Variants in DOK7 observed in about 807,000 individuals in gnomAD.
The protein encoded by DOK7 is protein Dok-7.
DOK7 carries 32 observed loss-of-function variants against 30.7 expected under a neutral mutation model. The ratio of observed to expected loss-of-function variants is 1.04; its 90% confidence interval spans 0.79 to 1.40. DOK7 has a LOEUF of 1.40. DOK7 is among the 40% of genes most tolerant of loss of function. DOK7 has a pLI of 0.00. For synonymous variants in DOK7, 447 were observed against 324.1 expected (o/e 1.38, Z -4.07); for missense variants, 1,007 against 699.2 (o/e 1.44, Z -4.97).
At chr4:3,492,475 G>A (rs1364298943) in intron 6 of DOK7, among the ~76,000 whole-genome samples, 2 of 152,070 alleles carry the variant, frequency 1.3e-5, no homozygotes, top group East Asian at 1.9e-4. Context: ...AAGGGGAGGA[G>A]GCGGGGACCA....
In DOK7 at chr4:3,493,612, A is replaced by T. The variant is rs1728698337; in HGVS notation, c.*111A>T. ...TGGTGCTCTGTGTTCTGTGGGAGGG[A>T]CCGGGGGTCTCCCGGAGAGGGGAGC... On this transcript the variant is annotated 3_prime_UTR_variant, in exon 7 of 7. Coordinates refer to ENST00000340083, the MANE Select transcript of DOK7 (RefSeq NM_173660.5). The T allele has an allele frequency of 1.3e-6, 2 of 1,510,004 alleles. No homozygotes were observed. The highest frequency in any genetic ancestry group is 5.0e-5 in the East Asian group (2 of 40,380). 93.5% of individuals were successfully genotyped at this position (1,510,004 alleles called of 1,614,324 possible). A position where few individuals can be genotyped will look rare whatever the true frequency, so the allele number is the denominator to read the frequency against.
At chr4:3,495,703 G>A (rs193073556), downstream of DOK7, among the ~76,000 whole-genome samples, 33 of 152,272 alleles carry the variant, frequency 2.2e-4, no homozygotes, top group Non-Finnish European at 3.4e-4. Flanking sequence ...TTTTCTTGAC[G>A]GCCCTGGAGC....
intron 2 of DOK7, among the ~76,000 whole-genome samples, chr4:3,470,535 G>A (rs1045894683): frequency 1.3e-5 from 2 of 152,134 alleles, no homozygotes; most frequent in South Asian, 2.1e-4. Flanking sequence ...TTCAGCATGC[G>A]CCCCACCACC....
chr4:3,465,970 T>A (rs1726239375), intron 2 of DOK7, among the ~76,000 whole-genome samples: 1 of 151,804 alleles, frequency 6.6e-6, no homozygotes, highest in African/African-American at 2.4e-5. Flanking sequence ...GTTCTTGACA[T>A]CCTGTGGAGA....
chr4:3,467,143 G>A (rs1182542161), intron 2 of DOK7, among the ~76,000 whole-genome samples: 1 of 152,050 alleles, frequency 6.6e-6, no homozygotes. Flanking sequence ...AGGCTGTCCC[G>A]CAGCCACTTC....
At chr4:3,500,111 G>A in intron 6 of DOK7, 3 of 1,030,030 alleles carry the variant, frequency 2.9e-6, no homozygotes, top group South Asian at 3.2e-5. Flanking sequence ...TCAGGAACAT[G>A]GAGCGGGAAC....
At chr4:3,488,254 A>G (rs1727944885) in intron 5 of DOK7, among the ~76,000 whole-genome samples, 1 of 152,168 alleles carries the variant, frequency 6.6e-6, no homozygotes, top group Non-Finnish European at 1.5e-5. Context: ...AGGCTCCTCC[A>G]GGCCCTTCTT....
intron 4 of DOK7, among the ~76,000 whole-genome samples, chr4:3,478,133 C>T (rs1310551812): frequency 6.6e-6 from 1 of 152,190 alleles, no homozygotes; most frequent in Non-Finnish European, 1.5e-5. Flanking sequence ...CTGTGGAATT[C>T]CTTGGCACGG....
chr4:3,487,223 C>A (rs968606988), intron 5 of DOK7, among the ~76,000 whole-genome samples: 1 of 84,924 alleles, frequency 1.2e-5, no homozygotes, highest in Admixed American at 1.5e-4. Flanking sequence ...TCAGGCCACC[C>A]GGAGGTGGGT....
At chr4:3,487,170 CA>C (rs1560221986) in intron 5 of DOK7, among the ~76,000 whole-genome samples, 1 of 152,192 alleles carries the variant, frequency 6.6e-6, no homozygotes, top group Non-Finnish European at 1.5e-5. Flanking sequence ...CCTCGGCCTG[CA>C]GCTGTGCCCC....
chr4:3,469,207 G>A (rs899347405), intron 2 of DOK7, among the ~76,000 whole-genome samples: 6 of 151,956 alleles, frequency 3.9e-5, no homozygotes, highest in Non-Finnish European at 7.4e-5. Flanking sequence ...ATGAGTGTGT[G>A]TGCCTCTGTG....
At chr4:3,472,571 C>T (rs1020592742) in intron 2 of DOK7, among the ~76,000 whole-genome samples, 7 of 152,236 alleles carry the variant, frequency 4.6e-5, no homozygotes, top group Non-Finnish European at 1.0e-4. Flanking sequence ...AGACCTGCTG[C>T]CCCCGCCATT....
intron 6 of DOK7, 140 bp from the exon 7 acceptor site, chr4:3,492,619 G>T: frequency 1.7e-6 from 2 of 1,161,432 alleles, no homozygotes; most frequent in Non-Finnish European, 2.5e-6. Flanking sequence ...GGTTTCTGCT[G>T]TAGGCCCCGG....
rs138623546 is a variant in DOK7 at position 3,472,846 on chromosome 4, G to T, written c.101-560G>T. Reference sequence around the variant, plus strand: ...GGCAGTGGCCGGGTGGATGGGGATGGGACCCAAGGCCCATCGACCTCCCCT... The same window carrying T: ...GGCAGTGGCCGGGTGGATGGGGATGTGACCCAAGGCCCATCGACCTCCCCT... On this transcript the variant is annotated intron_variant, in intron 2 of 6. Coordinates refer to ENST00000340083, the MANE Select transcript of DOK7 (RefSeq NM_173660.5). Among the ~76,000 whole-genome samples the T allele has an allele frequency of 4.4e-3, 675 of 152,340 alleles. 1 individual carries two copies. Among genetic ancestry groups the T allele is most frequent in the Non-Finnish European group, 6.8e-3 (461 of 68,024 alleles).
At chr4:3,489,577 A>G in intron 5 of DOK7, 100 bp from the exon 6 acceptor site, 1 of 1,540,464 alleles carries the variant, frequency 6.5e-7, no homozygotes, top group Admixed American at 2.0e-5. Context: ...CTGCCACTCC[A>G]CAGAGGGGGA....
rs1560229840 is a variant in DOK7 at position 3,491,540 on chromosome 4, CTCCCACCTATTCATTCATTCCTTCCT to C, written c.773-1216_773-1191del. On this transcript the variant is annotated intron_variant, in intron 6 of 6. Transcript: ENST00000340083. Reference sequence around the variant, plus strand: ...CTGTCTGTTCATTCATTTCTTCCTTCTCCCACCTATTCATTCATTCCTTCCTTCACTTATGGTTCCACATTTACTAA... The same window carrying C: ...CTGTCTGTTCATTCATTTCTTCCTTCTCACTTATGGTTCCACATTTACTAA... 1.8e-4 allele frequency among the ~76,000 whole-genome samples: 3 copies of C among 16,772 alleles called. No individual in the cohort carries two copies. The East Asian group carries it at 0.045, about 254-fold the overall frequency. 11.0% of individuals were successfully genotyped at this position (16,772 alleles called of 152,430 possible).
chr4:3,493,258 C>T lies in DOK7; in HGVS notation c.1272C>T (p.Gly424=), dbSNP rs1728651445. The change falls in exon 7 of 7, where the codon GGC becomes GGT. Residue 424 remains glycine, a synonymous_variant. Transcript: ENST00000340083. ...APRDHSPPSQ[G]SPGNSAARDS... ...GAGACCACAGCCCCCCCTCACAGGG[C>T]AGCCCCGGCAACAGTGCGGCCAGGG... The T allele has an allele frequency of 6.2e-7, 1 of 1,611,716 alleles. No individual in the cohort carries two copies.
chr4:3,490,191 C>A (rs1174034711), intron 6 of DOK7, among the ~76,000 whole-genome samples: 2 of 59,690 alleles, frequency 3.4e-5, no homozygotes, highest in African/African-American at 1.4e-4. Context: ...CCCCCCCACT[C>A]ATTCCTTCCC....
At chr4:3,491,765 ACCT>A (rs1728478461) in intron 6 of DOK7, among the ~76,000 whole-genome samples, 2 of 152,152 alleles carry the variant, frequency 1.3e-5, no homozygotes, top group Admixed American at 1.3e-4. Flanking sequence ...GAGCAGAGGC[ACCT>A]CCTCAGCTGC....
Sources: gnomAD v4.1 joint callset for allele counts (sites outside exome capture counted in the v4.1 genomes callset) on GRCh38, gnomAD v4.1.1 for gene constraint, MANE v1.5 for transcripts, NCBI Gene and HGNC (gene_info 2026-07-23, HGNC 2026-07-21) for gene names.